The following TENM2 variants were observed in gnomAD, a reference collection of about 807,000 sequenced individuals.
TENM2 encodes teneurin transmembrane protein 2.
A neutral mutation model predicts 245.2 loss-of-function variants in TENM2; 52 were observed. The ratio of observed to expected loss-of-function variants is 0.21; its 90% CI spans 0.17 to 0.27. The LOEUF (loss-of-function observed/expected upper bound fraction) is 0.27. TENM2 is among the 10% of genes least tolerant of loss of function. The pLI is 1.00. For missense variants in TENM2, 3,046 were observed against 3,666.8 expected, an observed-to-expected ratio of 0.83 and a Z score of 4.37; for synonymous variants, 1,363 against 1,438.9, an observed-to-expected ratio of 0.95 and a Z score of 1.19.
At chr5:167,275,810 A>G in the TENM2 span, among the ~76,000 whole-genome samples, 2 of 151,962 alleles carry the variant, frequency 1.3e-5, no homozygotes, top group African/African-American at 4.8e-5. Context: ...GTAAACAGGG[A>G]AAGTTTTATG....
chr5:167,847,180 T>C (rs1770122968), intron 2 of TENM2, among the ~76,000 whole-genome samples: 1 of 152,204 alleles, frequency 6.6e-6, no homozygotes, highest in South Asian at 2.1e-4. Flanking sequence ...CTTGAACTCC[T>C]GGGCTTAAGC....
chr5:168,117,579 AT>A (rs1185157682), intron 9 of TENM2, among the ~76,000 whole-genome samples: 1 of 152,200 alleles, frequency 6.6e-6, no homozygotes, highest in Non-Finnish European at 1.5e-5. Flanking sequence ...ATTTCTCTAA[AT>A]TCCTTATTGT....
At chr5:167,536,167 A>T (rs2127597956) in intron 2 of TENM2, among the ~76,000 whole-genome samples, 1 of 152,278 alleles carries the variant, frequency 6.6e-6, no homozygotes, top group Non-Finnish European at 1.5e-5. Flanking sequence ...TCTAATAATA[A>T]TACCCACCTA....
At chr5:168,106,087 T>C (rs1371066286) in intron 9 of TENM2, among the ~76,000 whole-genome samples, 1 of 152,178 alleles carries the variant, frequency 6.6e-6, no homozygotes, top group Non-Finnish European at 1.5e-5. Flanking sequence ...ACCAGAGCCG[T>C]AGTTGTTAGG....
intron 1 of TENM2, among the ~76,000 whole-genome samples, chr5:167,319,859 T>C (rs1469150213): frequency 1.3e-5 from 2 of 152,336 alleles, no homozygotes; most frequent in South Asian, 2.1e-4. Flanking sequence ...ATGTATGATA[T>C]AACCAGTTGT....
At chr5:167,756,921 AG>A (rs1003922906) in intron 2 of TENM2, among the ~76,000 whole-genome samples, 1 of 152,010 alleles carries the variant, frequency 6.6e-6, no homozygotes, top group Non-Finnish European at 1.5e-5. Flanking sequence ...GAGAGAACAC[AG>A]GGTGGGTTTT....
At chr5:168,158,846 TATATACACAC>T in intron 12 of TENM2, among the ~76,000 whole-genome samples, 1 of 85,716 alleles carries the variant, frequency 1.2e-5, no homozygotes, top group African/African-American at 4.2e-5. Context: ...TATATATATA[TATATACACAC>T]ACACACACAC....
intron 2 of TENM2, among the ~76,000 whole-genome samples, chr5:167,504,669 C>T (rs1291487805): frequency 6.6e-6 from 1 of 152,178 alleles, no homozygotes; most frequent in Non-Finnish European, 1.5e-5. Context: ...ATTCTGATAG[C>T]TTCACTGAAC....
At chr5:167,710,761 A>C (rs2150481934) in intron 2 of TENM2, among the ~76,000 whole-genome samples, 1 of 152,318 alleles carries the variant, frequency 6.6e-6, no homozygotes, top group African/African-American at 2.4e-5. Context: ...TTTTAAGCAA[A>C]GGAATGACAC....
chr5:167,824,656 A>G (rs1041413192), intron 2 of TENM2, among the ~76,000 whole-genome samples: 2 of 152,188 alleles, frequency 1.3e-5, no homozygotes, highest in East Asian at 3.8e-4. Flanking sequence ...CCCTGTGGTG[A>G]ATGGCTTTCC....
intron 2 of TENM2, among the ~76,000 whole-genome samples, chr5:167,872,288 GAGAAAGATAGAAAGAAAGAA>G (rs1561879876): frequency 1.4e-5 from 1 of 69,274 alleles, no homozygotes; most frequent in Non-Finnish European, 2.7e-5. Flanking sequence ...AAAAAAGAAA[GAGAAAGATAGAAAGAAAGAA>G]AGAAAGAAAG....
chr5:167,777,865 A>G (rs1324169347), intron 2 of TENM2, among the ~76,000 whole-genome samples: 3 of 152,238 alleles, frequency 2.0e-5, no homozygotes, highest in Admixed American at 6.5e-5. Flanking sequence ...AAGTAACAGC[A>G]TGTGTGTGCT....
At chr5:167,794,354 G>A (rs548150959) in intron 2 of TENM2, among the ~76,000 whole-genome samples, 1 of 152,310 alleles carries the variant, frequency 6.6e-6, no homozygotes, top group East Asian at 1.9e-4. Context: ...AATTGTTTTG[G>A]TCCTGGCAGC....
chr5:167,328,953 A>G (rs1425786648), intron 1 of TENM2, among the ~76,000 whole-genome samples: 4 of 152,318 alleles, frequency 2.6e-5, no homozygotes, highest in Admixed American at 6.5e-5. Flanking sequence ...GTTTATTACC[A>G]TATCCGTGAT....
intron 2 of TENM2, among the ~76,000 whole-genome samples, chr5:167,602,265 T>C (rs1020324597): frequency 2.0e-5 from 3 of 152,130 alleles, no homozygotes; most frequent in African/African-American, 7.2e-5. Flanking sequence ...GAAGGAAAAA[T>C]GAGCCAAACA....
intron 1 of TENM2, among the ~76,000 whole-genome samples, chr5:167,298,367 G>T (rs1409402272): frequency 6.6e-6 from 1 of 152,242 alleles, no homozygotes; most frequent in African/African-American, 2.4e-5. Flanking sequence ...ACTTCGGGAG[G>T]CCGAGGGGGG....
intron 5 of TENM2, among the ~76,000 whole-genome samples, chr5:168,026,117 A>G (rs1335685034): frequency 2.6e-5 from 4 of 152,186 alleles, no homozygotes; most frequent in Non-Finnish European, 4.4e-5. Flanking sequence ...TTCTCAAGGT[A>G]TGATGTCAGG....
chr5:168,004,506 T>TGC (rs760281726), intron 5 of TENM2, among the ~76,000 whole-genome samples: 3,896 of 97,614 alleles, frequency 0.04, 76 homozygotes, highest in African/African-American at 0.068. Flanking sequence ...GATGCACGCA[T>TGC]GCGCGCGCGC....
the TENM2 span, among the ~76,000 whole-genome samples, chr5:167,277,531 T>C: frequency 4.6e-5 from 7 of 152,180 alleles, 1 homozygote; most frequent in Admixed American, 2.6e-4. Flanking sequence ...ATCCAAGATA[T>C]GGTTTTATAT....
Sources: allele counts gnomAD v4.1 joint callset (sites outside exome capture counted in the v4.1 genomes callset), GRCh38; gene constraint gnomAD v4.1.1; transcripts MANE v1.5; gene names NCBI Gene and HGNC (gene_info 2026-07-23, HGNC 2026-07-21).